Variants in TMX3 observed in about 807,000 individuals in gnomAD.
The protein encoded by TMX3 is thioredoxin related transmembrane protein 3.
Under a neutral mutation model 64.4 loss-of-function variants are expected in TMX3, and 40 were observed. The observed-to-expected ratio is 0.62, with a 90% CI of 0.48 to 0.81. The LOEUF (loss-of-function observed/expected upper bound fraction) is 0.81, where lower values mean the gene tolerates loss of function less well. TMX3 is among the 30% of genes least tolerant of loss of function. The pLI is 0.00. For synonymous variants in TMX3, 189 were observed against 175.7 expected (o/e 1.08, Z -0.60); for missense variants, 497 against 534.5 (o/e 0.93, Z 0.69).
intron 5 of TMX3, 23 bp downstream of exon 5, chr18:68,701,721 AT>A (rs778418153): frequency 1.1e-5 from 17 of 1,611,394 alleles, no homozygotes; most frequent in Non-Finnish European, 1.4e-5. Flanking sequence ...AAATACACAT[AT>A]AAACATACAA....
At chr18:68,707,205 T>C (rs1362665980) in intron 4 of TMX3, among the ~76,000 whole-genome samples, 1 of 152,026 alleles carries the variant, frequency 6.6e-6, no homozygotes, top group Non-Finnish European at 1.5e-5. Context: ...TTTTTTTTTT[T>C]TTTCAATTAA....
intron 15 of TMX3, among the ~76,000 whole-genome samples, chr18:68,678,949 G>T (rs997992395): frequency 6.6e-6 from 1 of 151,300 alleles, no homozygotes. Context: ...AGGGAAGAAG[G>T]AAAAACATCT....
intron 6 of TMX3, among the ~76,000 whole-genome samples, chr18:68,699,045 A>G (rs1281077062): frequency 1.3e-5 from 2 of 152,062 alleles, no homozygotes; most frequent in East Asian, 3.9e-4. Context: ...CCAAAAACTA[A>G]GAAGAGGTAG....
chr18:68,676,877 T>C lies in TMX3; in HGVS notation c.*56A>G. 1.3e-6 allele frequency: 2 copies of C among 1,553,542 alleles called. No homozygotes were observed. Among genetic ancestry groups the C allele is most frequent in the Non-Finnish European group, 1.7e-6 (2 of 1,150,804 alleles). On this transcript the variant is annotated 3_prime_UTR_variant, in exon 16 of 16. Coordinates refer to ENST00000299608, the MANE Select transcript of TMX3 (RefSeq NM_019022.5). ...ATCATGATTAAATGTCTAAATTCAA[T>C]AAATAGACTCTTTAATAATTTGAAG...
intron 2 of TMX3, 69 bp from the exon 3 acceptor site, chr18:68,711,472 G>C (rs1056180761): frequency 6.5e-6 from 7 of 1,075,642 alleles, no homozygotes; most frequent in East Asian, 2.6e-5. Flanking sequence ...AGTATAGGCA[G>C]AGATAATACA....
chr18:68,694,154 CA>C (rs937834607), intron 8 of TMX3, among the ~76,000 whole-genome samples: 1 of 152,130 alleles, frequency 6.6e-6, no homozygotes, highest in African/African-American at 2.4e-5. Context: ...GGCTGTAATG[CA>C]AACAGGGCTG....
rs769121993 is a variant in TMX3, at chr18:68,677,064, C to T, written c.1234G>A (p.Val412Met). Residue 412 changes from valine to methionine, a missense_variant, in exon 16 of 16, where the codon GTG becomes ATG. This residue lies in a region of TMX3 where 94 missense variants were observed against 75.8 expected (regional missense o/e 1.24). Coordinates refer to ENST00000299608, the MANE Select transcript of TMX3 (RefSeq NM_019022.5). ...DGGYIEERYE[V>M]SKSENENQEQ... ...TGGTTTTCATTTTCACTTTTAGACA[C>T]TTCATATCGTTCTTCTATATAACCT... 6 of 1,613,802 alleles carry T rather than the reference C, an allele frequency of 3.7e-6. No individual in the cohort carries two copies. Among genetic ancestry groups the T allele is most frequent in the South Asian group, 3.3e-5 (3 of 91,082 alleles).
chr18:68,695,274 T>C (rs2145069837), intron 8 of TMX3, among the ~76,000 whole-genome samples: 1 of 152,342 alleles, frequency 6.6e-6, no homozygotes, highest in Middle Eastern at 3.4e-3. Flanking sequence ...CACTTCGTCT[T>C]GGCTTCCAGC....
intron 13 of TMX3, chr18:68,681,433 G>C: frequency 1.0e-6 from 1 of 976,622 alleles, no homozygotes; most frequent in Non-Finnish European, 1.2e-6. Flanking sequence ...AACTTATGTT[G>C]TTCAACGGTC....
intron 6 of TMX3, among the ~76,000 whole-genome samples, chr18:68,699,728 G>A (rs958962486): frequency 2.0e-4 from 30 of 152,010 alleles, no homozygotes; most frequent in Admixed American, 1.1e-3. Flanking sequence ...TATAAGCACC[G>A]ACTTTCTTTA....
intron 11 of TMX3, 68 bp from the exon 12 acceptor site, chr18:68,684,311 A>G (rs1913735091): frequency 6.7e-7 from 1 of 1,495,604 alleles, no homozygotes; most frequent in South Asian, 1.2e-5. Flanking sequence ...CAATGATAGT[A>G]TCTGCTGTCT....
At chr18:68,708,143 C>T (rs182747991) in intron 4 of TMX3, among the ~76,000 whole-genome samples, 2 of 151,674 alleles carry the variant, frequency 1.3e-5, no homozygotes, top group Non-Finnish European at 2.9e-5. Flanking sequence ...CAGTGGAAAA[C>T]GATAACTTCT....
rs1169046020 is a variant in TMX3 at position 68,676,881 on chromosome 18, T to C, written c.*52A>G. On this transcript the variant is annotated 3_prime_UTR_variant, in exon 16 of 16. Transcript: ENST00000299608. Reference sequence around the variant, plus strand: ...TGATTAAATGTCTAAATTCAATAAATAGACTCTTTAATAATTTGAAGTCCT... The same window carrying C: ...TGATTAAATGTCTAAATTCAATAAACAGACTCTTTAATAATTTGAAGTCCT... 1.5e-5 allele frequency: 23 copies of C among 1,560,702 alleles called. No homozygotes were observed. In the Admixed American group the frequency reaches 2.5e-4, roughly 17 times the overall value.
chr18:68,694,739 C>A (rs542261930), intron 8 of TMX3, among the ~76,000 whole-genome samples: 1 of 152,234 alleles, frequency 6.6e-6, no homozygotes, highest in Admixed American at 6.5e-5. Context: ...CTTGGCAAAC[C>A]AAAATGGGTT....
rs771257296 is a variant in TMX3, at chr18:68,701,660, G to A, written c.311+85C>T. The A allele has an allele frequency of 2.1e-4, 339 of 1,585,354 alleles. 1 individual carries two copies. Among genetic ancestry groups the A allele is most frequent in the Admixed American group, 4.2e-4 (24 of 57,674 alleles). On this transcript the variant is annotated intron_variant, in intron 5 of 15. Transcript: ENST00000299608. ...CAAACCCCAATCTTCAATCCTCCAG[G>A]GAATCTACTAGAAATTAACGTAATA...
intron 3 of TMX3, among the ~76,000 whole-genome samples, chr18:68,710,642 T>C (rs1445919216): frequency 6.6e-6 from 1 of 152,172 alleles, no homozygotes; most frequent in African/African-American, 2.4e-5. Flanking sequence ...ACAAGCCAGG[T>C]TGATTAAACT....
intron 10 of TMX3, chr18:68,687,170 T>C (rs930565320): frequency 2.3e-5 from 23 of 985,212 alleles, no homozygotes; most frequent in Non-Finnish European, 2.8e-5. Flanking sequence ...TTTTTATAGT[T>C]TGCATCTGAG....
chr18:68,711,283 C>T, intron 3 of TMX3, 81 bp downstream of exon 3: 1 of 1,036,708 alleles, frequency 9.6e-7, no homozygotes, highest in Non-Finnish European at 1.4e-6. Flanking sequence ...TGTTTACTGC[C>T]ATTTTTGGGT....
intron 15 of TMX3, among the ~76,000 whole-genome samples, chr18:68,677,516 G>A (rs918166840): frequency 1.3e-5 from 2 of 152,196 alleles, no homozygotes; most frequent in African/African-American, 4.8e-5. Flanking sequence ...TACTATGTGC[G>A]CCCAGCAGCT....
Sources: allele counts gnomAD v4.1 joint callset (sites outside exome capture counted in the v4.1 genomes callset), GRCh38; gene constraint gnomAD v4.1.1; regional missense constraint gnomAD v4.1.1; transcripts MANE v1.5; gene names NCBI Gene and HGNC (gene_info 2026-07-23, HGNC 2026-07-21).